MCF2: variants seen among roughly 807,000 people sequenced by gnomAD.
The protein encoded by MCF2 is MCF.2 cell line derived transforming sequence.
In MCF2, 44 loss-of-function variants were observed where a neutral mutation model predicts 82.5. That is an observed-to-expected ratio of 0.53 (90% CI 0.42 to 0.69). The LOEUF is 0.69. Among genes scored for constraint, MCF2 ranks in the 30% least tolerant of loss-of-function variants. The pLI, the probability that MCF2 is intolerant of heterozygous loss-of-function variation, is 0.00. For synonymous variants in MCF2, 217 were observed against 224.9 expected, an observed-to-expected ratio of 0.96 and a Z score of 0.32; for missense variants, 623 against 663.1, an observed-to-expected ratio of 0.94 and a Z score of 0.66.
chrX:139,707,697 C>T (rs757822430), intron 1 of MCF2, among the ~76,000 whole-genome samples: 6 of 112,009 alleles, frequency 5.4e-5, no homozygotes, highest in Non-Finnish European at 9.4e-5. Context: ...ATAGGAACCA[C>T]ACCAAGGTAC....
At chrX:139,635,084 A>G (rs1218601413) in intron 1 of MCF2, among the ~76,000 whole-genome samples, 4 of 111,634 alleles carry the variant, frequency 3.6e-5, no homozygotes, top group Non-Finnish European at 7.5e-5. Flanking sequence ...TTTAAAAAAG[A>G]AAAAGAAAAA....
rs754582268 is a variant in MCF2, at chrX:139,659,544, C to T, written c.-44-7756G>A. Among the ~76,000 whole-genome samples the T allele has an allele frequency of 4.5e-5, 5 of 111,398 alleles. No individual in the cohort carries two copies. The South Asian group carries it at 1.9e-3, about 42-fold the overall frequency. ...CCAACACTTGAACTTTATTTCACAG[C>T]GACGCTCTCTCATGTCCATTTATCC... On this transcript the variant is annotated intron_variant, in intron 1 of 27. Coordinates refer to the MCF2 transcript ENST00000414978.
intron 15 of MCF2, among the ~76,000 whole-genome samples, chrX:139,603,367 C>T (rs1188520427): frequency 1.8e-5 from 2 of 112,202 alleles, no homozygotes; most frequent in Non-Finnish European, 3.8e-5. Context: ...AAGGGCTGTC[C>T]ATTAAGTTTG....
chrX:139,642,003 A>C (rs867841470), intron 1 of MCF2, among the ~76,000 whole-genome samples: 3 of 111,567 alleles, frequency 2.7e-5, no homozygotes, highest in Non-Finnish European at 5.7e-5. Flanking sequence ...ACAGATTTTA[A>C]ATTTATTCAC....
chrX:139,622,407 G>A (rs1350493113), intron 6 of MCF2, among the ~76,000 whole-genome samples: 3 of 111,679 alleles, frequency 2.7e-5, no homozygotes, highest in Non-Finnish European at 5.6e-5. Context: ...TATAAATCCT[G>A]CTGCTATAAA....
At chrX:139,635,193 A>G (rs905709329) in intron 1 of MCF2, among the ~76,000 whole-genome samples, 5 of 111,804 alleles carry the variant, frequency 4.5e-5, no homozygotes, top group Non-Finnish European at 9.4e-5. Flanking sequence ...GATGCCATTC[A>G]AAAGCAGCAG....
intron 1 of MCF2, among the ~76,000 whole-genome samples, chrX:139,683,955 C>T (rs1261103333): frequency 9.0e-6 from 1 of 111,639 alleles, no homozygotes; most frequent in Non-Finnish European, 1.9e-5. Flanking sequence ...AAAGTACAAG[C>T]AATAAAAGAA....
intron 16 of MCF2, among the ~76,000 whole-genome samples, chrX:139,600,261 A>G (rs1368395065): frequency 9.0e-6 from 1 of 111,413 alleles, no homozygotes; most frequent in Admixed American, 9.6e-5. Context: ...TGAATTGTAT[A>G]CTTTAAAAGG....
intron 1 of MCF2, among the ~76,000 whole-genome samples, chrX:139,680,070 T>C (rs1460427342): frequency 8.9e-6 from 1 of 112,149 alleles, no homozygotes; most frequent in East Asian, 2.8e-4. Flanking sequence ...TATTAAGTGT[T>C]TAAAATGGAG....
At chrX:139,705,297 G>A (rs1457510000) in intron 1 of MCF2, among the ~76,000 whole-genome samples, 1 of 112,049 alleles carries the variant, frequency 8.9e-6, no homozygotes, top group Non-Finnish European at 1.9e-5. Context: ...AGGCGACAGA[G>A]TGAGACTCAG....
rs762636814 is a variant in MCF2 at position 139,602,366 on chromosome X, T to C, written c.1836+40A>G. On this transcript the variant is annotated intron_variant, in intron 16 of 24. Coordinates refer to ENST00000370576, the Ensembl canonical transcript of MCF2. The stretch of plus-strand genomic sequence containing the variant: ...ATAATTAAGAAATACCGCAATATCT[T>C]CCAGAAAGAATATATCCAATACTTG... 14 of 978,899 alleles carry C rather than the reference T, an allele frequency of 1.4e-5. No individual in the cohort carries two copies. The South Asian group carries it at 2.7e-4, about 19-fold the overall frequency. The allele number at this position is 978,899 out of a possible 1,213,427, so 80.7% of individuals were successfully genotyped here.
At chrX:139,697,118 G>C (rs752687065) in intron 1 of MCF2, among the ~76,000 whole-genome samples, 1 of 111,558 alleles carries the variant, frequency 9.0e-6, no homozygotes, top group African/African-American at 3.3e-5. Context: ...GGGTAGTCCA[G>C]GCCAAATAAA....
rs759094493 is a variant in MCF2 at position 139,631,510 on chromosome X, A to G, written c.173T>C (p.Val58Ala). The G allele has an allele frequency of 2.6e-6, 3 of 1,133,673 alleles. No individual in the cohort carries two copies. The South Asian group carries it at 5.6e-5, about 21-fold the overall frequency. 93.4% of individuals were successfully genotyped at this position (1,133,673 alleles called of 1,213,427 possible). The change falls in exon 3 of 25, where the codon GTT becomes GCT. Residue 58 changes from valine to alanine, a missense_variant and splice_region_variant. Transcript: ENST00000370576. ...ATCACTAACTGAGCTCAGCATAACA[A>G]CCTATATAAATAAGCAAAAAAGATA...
intron 19 of MCF2, among the ~76,000 whole-genome samples, chrX:139,595,682 C>G (rs1488179772): frequency 9.3e-6 from 1 of 107,465 alleles, no homozygotes; most frequent in Non-Finnish European, 1.9e-5. Context: ...ACATATGTAA[C>G]TAACCTGCAC....
intron 11 of MCF2, among the ~76,000 whole-genome samples, chrX:139,608,391 G>A (rs146004645): frequency 2.7e-5 from 3 of 111,244 alleles, no homozygotes; most frequent in Admixed American, 9.5e-5. Context: ...CATGTTAGTC[G>A]CTATAAGTTG....
At chrX:139,702,886 A>G (rs1238682293) in intron 1 of MCF2, among the ~76,000 whole-genome samples, 1 of 112,086 alleles carries the variant, frequency 8.9e-6, no homozygotes, top group Non-Finnish European at 1.9e-5. Flanking sequence ...CCATCTGTTG[A>G]GAAGGCTGCC....
At chrX:139,611,520 AAAAT>A (rs780749024) in intron 10 of MCF2, among the ~76,000 whole-genome samples, 34 of 112,308 alleles carry the variant, frequency 3.0e-4, no homozygotes, top group African/African-American at 1.1e-3. Flanking sequence ...TAAGAGATAC[AAAAT>A]AAATATGTGC....
At chrX:139,656,220 C>T (rs1253921028) in intron 1 of MCF2, among the ~76,000 whole-genome samples, 2 of 111,482 alleles carry the variant, frequency 1.8e-5, no homozygotes, top group East Asian at 2.8e-4. Flanking sequence ...TGCCACCATA[C>T]CTGGCTAATT....
exon 13 of MCF2, chrX:139,605,735 C>G: frequency 8.3e-7 from 1 of 1,201,087 alleles, no homozygotes; most frequent in Non-Finnish European, 1.1e-6. Flanking sequence ...ATACAGTTCT[C>G]GAACATAAAC....
Sources: allele counts gnomAD v4.1 joint callset (sites outside exome capture counted in the v4.1 genomes callset), GRCh38; gene constraint gnomAD v4.1.1; transcripts MANE v1.5; gene names NCBI Gene and HGNC (gene_info 2026-07-23, HGNC 2026-07-21).